The following FGF14 variants were observed in gnomAD, a reference collection of about 807,000 sequenced individuals.
The protein encoded by FGF14 is fibroblast growth factor homologous factor 4.
Under a neutral mutation model 25.5 loss-of-function variants are expected in FGF14, and 5 were observed. The ratio of observed to expected loss-of-function variants is 0.20; its 90% CI spans 0.10 to 0.41. FGF14 has a LOEUF of 0.41. FGF14 is among the 10% of genes least tolerant of loss of function. FGF14 has a pLI of 1.00. For missense variants in FGF14, 222 were observed against 320.1 expected (o/e 0.69, Z 2.34); for synonymous variants, 138 against 118.3 (o/e 1.17, Z -1.08).
Position 102,326,750 on chromosome 13 carries a change from GGAAA to G in FGF14, c.208+74717_208+74720del, listed in dbSNP as rs796973114. The stretch of plus-strand genomic sequence containing the variant: ...AGGAAGGAAGGAAGGAAGGAAGGAA[GGAAA>G]GAGGGAGGGAAGGAAGGAAGAAAAA... On this transcript the variant is annotated intron_variant, in intron 1 of 4. Transcript: ENST00000376131. Among the ~76,000 whole-genome samples, 465 of 89,712 alleles carry G rather than the reference GGAAA, an allele frequency of 5.2e-3. 14 individuals are homozygous for G. Among genetic ancestry groups the G allele is most frequent in the African/African-American group, 0.018 (376 of 21,178 alleles). 58.9% of individuals were successfully genotyped at this position (89,712 alleles called of 152,430 possible). A position where few individuals can be genotyped will look rare whatever the true frequency, so the allele number is the denominator to read the frequency against.
At chr13:102,316,023 G>C (rs12867274) in intron 1 of FGF14, among the ~76,000 whole-genome samples, 1 of 152,180 alleles carries the variant, frequency 6.6e-6, no homozygotes, top group African/African-American at 2.4e-5. Context: ...GTGCAGAGAA[G>C]AATAAAGCAT....
At chr13:102,027,087 C>T (rs993681725) in intron 1 of FGF14, among the ~76,000 whole-genome samples, 2 of 151,894 alleles carry the variant, frequency 1.3e-5, no homozygotes, top group Admixed American at 6.6e-5. Flanking sequence ...ATCTTTCCTC[C>T]TTTGGCATAG....
intron 3 of FGF14, among the ~76,000 whole-genome samples, chr13:101,793,953 T>C (rs953939066): frequency 2.6e-5 from 4 of 152,024 alleles, no homozygotes; most frequent in Admixed American, 6.6e-5. Context: ...CATGGAAATA[T>C]ATGGGAGATA....
intron 1 of FGF14, among the ~76,000 whole-genome samples, chr13:102,231,549 T>C (rs554686741): frequency 6.6e-6 from 1 of 152,308 alleles, no homozygotes; most frequent in Admixed American, 6.5e-5. Flanking sequence ...AACAGAAATA[T>C]ACTAATTATG....
At chr13:101,914,793 GTTAAT>G (rs1235178899) in intron 1 of FGF14, among the ~76,000 whole-genome samples, 2 of 152,168 alleles carry the variant, frequency 1.3e-5, no homozygotes, top group Admixed American at 1.3e-4. Flanking sequence ...TAGATAGTAT[GTTAAT>G]TTACTTTATG....
At chr13:101,934,757 A>G (rs2034990026) in intron 1 of FGF14, among the ~76,000 whole-genome samples, 1 of 152,212 alleles carries the variant, frequency 6.6e-6, no homozygotes, top group Admixed American at 6.5e-5. Flanking sequence ...TTTTCTATAC[A>G]TGAAGACCCC....
At chr13:102,286,123 G>A (rs927897168) in intron 1 of FGF14, among the ~76,000 whole-genome samples, 2 of 152,256 alleles carry the variant, frequency 1.3e-5, no homozygotes, top group Non-Finnish European at 2.9e-5. Context: ...AAGTAGTCTC[G>A]TTCATGAATG....
chr13:102,351,593 A>T (rs548724132), intron 1 of FGF14, among the ~76,000 whole-genome samples: 1 of 152,340 alleles, frequency 6.6e-6, no homozygotes, highest in East Asian at 1.9e-4. Context: ...GGGTGGTTCT[A>T]GGCAGTGAGG....
intron 1 of FGF14, among the ~76,000 whole-genome samples, chr13:102,259,008 A>G (rs1042402913): frequency 3.9e-5 from 6 of 152,176 alleles, no homozygotes; most frequent in African/African-American, 9.7e-5. Flanking sequence ...TAATATTCTC[A>G]AAAAAGAACA....
At position 102,105,352 on chromosome 13, in the gene FGF14, T is replaced by A. The variant is rs2044856603; in HGVS notation, c.209-230056A>T. On this transcript the variant is annotated intron_variant, in intron 1 of 4. Coordinates refer to the FGF14 transcript ENST00000376131. ...GAAATAATTAGGCATTTTTCCCTGA[T>A]TATTTAATTGACCATGGTTGACCTC... Among the ~76,000 whole-genome samples, 3 of 152,354 alleles carry A rather than the reference T, an allele frequency of 2.0e-5. No homozygotes were observed. The South Asian group carries it at 6.2e-4, about 32-fold the overall frequency.
Position 101,943,325 on chromosome 13 carries a change from G to C in FGF14, c.209-68029C>G, listed in dbSNP as rs1026080626. On this transcript the variant is annotated intron_variant, in intron 1 of 4. Transcript: ENST00000376131. ...TGAATTGCTTCAGAGTAGAAAACCA[G>C]AGAGGCATGGTCGAAAGACATGGAT... Among the ~76,000 whole-genome samples, 3 of 152,186 alleles carry C rather than the reference G, an allele frequency of 2.0e-5. No individual in the cohort carries two copies. The East Asian group carries it at 5.8e-4, about 29-fold the overall frequency.
At chr13:102,014,770 A>G (rs1269280330) in intron 1 of FGF14, among the ~76,000 whole-genome samples, 1 of 152,204 alleles carries the variant, frequency 6.6e-6, no homozygotes, top group African/African-American at 2.4e-5. Flanking sequence ...AAATATGACA[A>G]ACTTATTTTT....
intron 1 of FGF14, among the ~76,000 whole-genome samples, chr13:102,166,570 G>A (rs2048022702): frequency 6.6e-6 from 1 of 152,130 alleles, no homozygotes; most frequent in Non-Finnish European, 1.5e-5. Context: ...TGGAGTTGGT[G>A]ATGTTGCTGT....
intron 1 of FGF14, among the ~76,000 whole-genome samples, chr13:101,957,390 ATACAGAAC>A (rs1424280081): frequency 6.6e-6 from 1 of 152,228 alleles, no homozygotes; most frequent in Non-Finnish European, 1.5e-5. Flanking sequence ...GACGAAGAAA[ATACAGAAC>A]CTTAGGAGAA....
intron 1 of FGF14, among the ~76,000 whole-genome samples, chr13:102,318,260 G>A (rs1272117856): frequency 6.6e-6 from 1 of 152,162 alleles, no homozygotes; most frequent in Admixed American, 6.5e-5. Flanking sequence ...CATAGGGAGT[G>A]CCCTGGGTGC....
At chr13:101,812,921 C>T (rs2140193904) in intron 3 of FGF14, among the ~76,000 whole-genome samples, 1 of 151,988 alleles carries the variant, frequency 6.6e-6, no homozygotes, top group Non-Finnish European at 1.5e-5. Flanking sequence ...CCTGCCTCAG[C>T]CTCCCAAAGT....
intron 1 of FGF14, among the ~76,000 whole-genome samples, chr13:101,910,884 G>A (rs1158411437): frequency 7.5e-6 from 1 of 132,508 alleles, no homozygotes; most frequent in Non-Finnish European, 1.6e-5. Context: ...GTGTGTGTGT[G>A]TGTGTGTGTT....
At chr13:101,786,488 G>A (rs34904475) in intron 3 of FGF14, among the ~76,000 whole-genome samples, 6,951 of 152,092 alleles carry the variant, frequency 0.046, 266 homozygotes, top group African/African-American at 0.092. Flanking sequence ...TAAGGTCTAC[G>A]GAAGTCTAAG....
At chr13:102,004,579 C>T (rs1368253388) in intron 1 of FGF14, among the ~76,000 whole-genome samples, 1 of 152,212 alleles carries the variant, frequency 6.6e-6, no homozygotes, top group East Asian at 1.9e-4. Flanking sequence ...CACCAATGAA[C>T]CTGATTACTG....
Sources: allele counts gnomAD v4.1 joint callset (sites outside exome capture counted in the v4.1 genomes callset), GRCh38; gene constraint gnomAD v4.1.1; transcripts MANE v1.5; gene names NCBI Gene and HGNC (gene_info 2026-07-23, HGNC 2026-07-21).